The following ITGAV variants were observed in gnomAD, a reference collection of about 807,000 sequenced individuals.
ITGAV encodes integrin alpha-V.
Under a neutral mutation model 143.8 loss-of-function variants are expected in ITGAV, and 76 were observed. The ratio of observed to expected loss-of-function variants is 0.53; its 90% CI spans 0.44 to 0.64. The LOEUF is 0.64. Ranked by LOEUF, ITGAV falls within the 30% of genes least tolerant of loss-of-function variation. The pLI is 0.00. For synonymous variants in ITGAV, 453 were observed against 446.7 expected, an observed-to-expected ratio of 1.01 and a Z score of -0.18; for missense variants, 1,193 against 1,274.7, an observed-to-expected ratio of 0.94 and a Z score of 0.98.
chr2:186,592,555 A>T (rs963815397), intron 1 of ITGAV, among the ~76,000 whole-genome samples: 2 of 146,540 alleles, frequency 1.4e-5, no homozygotes, highest in Non-Finnish European at 3.0e-5. Context: ...GATAAATGAG[A>T]GGCTGATAAA....
chr2:186,611,057 C>T (rs1687202090), intron 2 of ITGAV, among the ~76,000 whole-genome samples: 1 of 152,060 alleles, frequency 6.6e-6, no homozygotes, highest in South Asian at 2.1e-4. Context: ...TTTCCATTTC[C>T]AGCTTGTAGA....
At chr2:186,607,163 T>C (rs1687091064) in intron 2 of ITGAV, among the ~76,000 whole-genome samples, 1 of 151,954 alleles carries the variant, frequency 6.6e-6, no homozygotes, top group Non-Finnish European at 1.5e-5. Flanking sequence ...TCACGAAGAG[T>C]ATAAATTGGT....
intron 26 of ITGAV, 43 bp downstream of exon 26, chr2:186,669,857 T>C (rs372534261): frequency 1.6e-5 from 21 of 1,275,434 alleles, no homozygotes; most frequent in Non-Finnish European, 2.2e-5. Flanking sequence ...CATTTAAAAA[T>C]ATGTGACTAT....
At chr2:186,622,482 G>T in intron 3 of ITGAV, 52 bp downstream of exon 3, 1 of 1,159,254 alleles carries the variant, frequency 8.6e-7, no homozygotes, top group South Asian at 1.2e-5. Context: ...TTTATGTGGA[G>T]ACACAGAAGG....
intron 18 of ITGAV, among the ~76,000 whole-genome samples, chr2:186,662,793 C>T (rs1688783692): frequency 6.6e-6 from 1 of 152,110 alleles, no homozygotes; most frequent in Non-Finnish European, 1.5e-5. Context: ...GAACTGAGTT[C>T]CCCCAAAATG....
At chr2:186,642,535 C>CTTTTTTTT (rs35034170) in intron 12 of ITGAV, among the ~76,000 whole-genome samples, 10 of 113,152 alleles carry the variant, frequency 8.8e-5, no homozygotes, top group East Asian at 5.6e-4. Context: ...TCTTTTTTTT[C>CTTTTTTTT]TTTTTTTTTT....
intron 12 of ITGAV, among the ~76,000 whole-genome samples, chr2:186,643,714 A>C (rs1420998023): frequency 6.6e-6 from 1 of 152,184 alleles, no homozygotes; most frequent in African/African-American, 2.4e-5. Flanking sequence ...TTTCCAGAAA[A>C]AGCAGAGGAA....
At chr2:186,665,876 A>G (rs576430845) in intron 21 of ITGAV, among the ~76,000 whole-genome samples, 1 of 152,254 alleles carries the variant, frequency 6.6e-6, no homozygotes, top group Admixed American at 6.5e-5. Context: ...TTTCTTTAGT[A>G]TGTTTTCTAT....
At chr2:186,632,551 T>C (rs946485159) in intron 5 of ITGAV, among the ~76,000 whole-genome samples, 1 of 152,150 alleles carries the variant, frequency 6.6e-6, no homozygotes, top group Non-Finnish European at 1.5e-5. Context: ...TGAAACACAA[T>C]ATACCTAGGA....
Position 186,665,159 on chromosome 2 carries a change from G to C in ITGAV, c.2107G>C (p.Glu703Gln). 1 of 1,607,656 alleles carries C rather than the reference G, an allele frequency of 6.2e-7. No individual in the cohort carries two copies. Residue 703 changes from glutamate (E) to glutamine (Q), a missense_variant, in exon 21 of 30, where the codon GAA becomes CAA. By Grantham distance (29) the Glu-to-Gln change is conservative (BLOSUM62 2). Coordinates refer to ENST00000261023, the MANE Select transcript of ITGAV (RefSeq NM_002210.5). ...LARLSCAFKT[E>Q]NQTRQVVCDL... ...AAGACTTTCCTGTGCATTTAAGACA[G>C]AAAACCAAACTCGCCAGGTGGTATG...
chr2:186,638,758 T>A (rs2105707825), intron 10 of ITGAV, among the ~76,000 whole-genome samples: 1 of 152,094 alleles, frequency 6.6e-6, no homozygotes, highest in African/African-American at 2.4e-5. Flanking sequence ...AGTTTCTAAT[T>A]TCTTAAAACT....
intron 17 of ITGAV, among the ~76,000 whole-genome samples, 171 bp downstream of exon 17, chr2:186,656,572 C>T (rs77195303): frequency 0.011 from 1,684 of 152,294 alleles, 35 homozygotes; most frequent in African/African-American, 0.039. Flanking sequence ...ACTTCTACTT[C>T]TGGCAGATTG....
At chr2:186,652,169 AG>A (rs1688453214) in intron 15 of ITGAV, 80 bp downstream of exon 15, 2 of 864,686 alleles carry the variant, frequency 2.3e-6, no homozygotes, top group South Asian at 3.0e-5. Context: ...TGAAGGTGGT[AG>A]GGCTGAAATA....
intron 2 of ITGAV, among the ~76,000 whole-genome samples, chr2:186,618,041 G>A (rs931400923): frequency 6.6e-6 from 1 of 152,194 alleles, no homozygotes; most frequent in Non-Finnish European, 1.5e-5. Flanking sequence ...ATAGCTGCCA[G>A]TTTCACCCAG....
At chr2:186,616,621 A>G (rs1194117308) in intron 2 of ITGAV, among the ~76,000 whole-genome samples, 2 of 152,196 alleles carry the variant, frequency 1.3e-5, no homozygotes, top group Admixed American at 1.3e-4. Context: ...AAATAAATGC[A>G]TGATAACAGT....
chr2:186,620,298 G>A (rs1451188594), intron 2 of ITGAV, among the ~76,000 whole-genome samples: 2 of 152,132 alleles, frequency 1.3e-5, no homozygotes, highest in African/African-American at 4.8e-5. Context: ...TCATGGGTTA[G>A]CATCATGAAC....
At chr2:186,655,620 A>G (rs1462789619) in intron 16 of ITGAV, among the ~76,000 whole-genome samples, 1 of 152,194 alleles carries the variant, frequency 6.6e-6, no homozygotes, top group African/African-American at 2.4e-5. Context: ...GGTTTTAAAG[A>G]TTTGCACTCT....
intron 6 of ITGAV, among the ~76,000 whole-genome samples, chr2:186,635,059 G>T (rs1687915321): frequency 6.6e-6 from 1 of 151,646 alleles, no homozygotes. Context: ...GTAATAATTA[G>T]GACACAGTAA....
At chr2:186,627,071 A>T (rs138256498) in intron 4 of ITGAV, among the ~76,000 whole-genome samples, 6 of 152,310 alleles carry the variant, frequency 3.9e-5, no homozygotes, top group Admixed American at 2.6e-4. Flanking sequence ...CATTTGATGC[A>T]TGTGGGAACT....
Sources: allele counts gnomAD v4.1 joint callset (sites outside exome capture counted in the v4.1 genomes callset), GRCh38; gene constraint gnomAD v4.1.1; transcripts MANE v1.5; gene names NCBI Gene and HGNC (gene_info 2026-07-23, HGNC 2026-07-21).